Variants in DGKQ observed in about 807,000 individuals in gnomAD.
DGKQ encodes the protein diacylglycerol kinase theta.
In DGKQ, 97 loss-of-function variants were observed where a neutral mutation model predicts 104.2. That is an observed-to-expected ratio of 0.93 (90% CI 0.79 to 1.10). The LOEUF is 1.10. DGKQ is among the 50% of genes least tolerant of loss of function. DGKQ has a pLI of 0.00. For missense variants in DGKQ, 1,465 were observed against 1,352.1 expected (o/e 1.08, Z -1.31); for synonymous variants, 736 against 595.2 (o/e 1.24, Z -3.44).
Position 961,162 on chromosome 4 carries a change from C to T in DGKQ, c.2614G>A (p.Ala872Thr). Residue 872 changes from alanine to threonine, a missense_variant, in exon 22 of 23, where the codon GCC (alanine) becomes ACC (threonine). Physicochemically the swap from Ala to Thr is moderately conservative, Grantham distance 58. Transcript: ENST00000273814. ...QGGLRSGIRI[A>T]QGSYFRVTLL... The stretch of plus-strand genomic sequence containing the variant: ...GTGACTCGGAAGTAGGAACCCTGGG[C>T]AATCCGGATTCCGGAGCGCAGCCCA... The T allele has an allele frequency of 6.3e-7, 1 of 1,597,642 alleles. No individual in the cohort carries two copies.
chr4:972,322 C>T (rs1712994469), intron 1 of DGKQ, among the ~76,000 whole-genome samples: 1 of 152,158 alleles, frequency 6.6e-6, no homozygotes, highest in Non-Finnish European at 1.5e-5. Flanking sequence ...AAGAAGCTGG[C>T]GGGCCAGGCC....
At chr4:961,416 G>A (rs1216008815) in intron 21 of DGKQ, 51 bp downstream of exon 21, 29 of 1,529,020 alleles carry the variant, frequency 1.9e-5, no homozygotes, top group East Asian at 2.4e-5. Context: ...GCTCAGCGGG[G>A]ACCGGGGACG....
In DGKQ at chr4:959,444, C is replaced by G. The variant is rs938548995; in HGVS notation, c.*1176G>C. 1 of 152,240 alleles carries G rather than the reference C, an allele frequency of 6.6e-6. No homozygotes were observed. Among genetic ancestry groups the G allele is most frequent in the Admixed American group, 6.5e-5 (1 of 15,284 alleles). 9.4% of individuals were successfully genotyped at this position (152,240 alleles called of 1,614,324 possible). On this transcript the variant is annotated 3_prime_UTR_variant, in exon 23 of 23. Transcript: ENST00000273814. ...GCTCCATTTTTGGTCAGACTCCTCCCGGGGCCAGTGCACCATCTGAATCCT... is the reference window on the plus strand; with the variant it reads ...GCTCCATTTTTGGTCAGACTCCTCCGGGGGCCAGTGCACCATCTGAATCCT...
At chr4:965,660 C>A in intron 13 of DGKQ, 131 bp from the exon 14 acceptor site, 1 of 1,058,962 alleles carries the variant, frequency 9.4e-7, no homozygotes. Flanking sequence ...AGTACCCCTG[C>A]CCCACTCCAG....
chr4:967,895 C>T lies in DGKQ; in HGVS notation c.796G>A (p.Glu266Lys). 1 of 1,451,890 alleles carries T rather than the reference C, an allele frequency of 6.9e-7. No homozygotes were observed. Among genetic ancestry groups the T allele is most frequent in the Non-Finnish European group, 9.0e-7 (1 of 1,110,156 alleles). The allele number at this position is 1,451,890 out of a possible 1,614,324, so 89.9% of individuals were successfully genotyped here. A position where few individuals can be genotyped will look rare whatever the true frequency, so the allele number is the denominator to read the frequency against. The change falls in exon 6 of 23, where the codon GAG becomes AAG. Residue 266 changes from glutamate to lysine, a missense_variant. Transcript: ENST00000273814. The stretch of plus-strand genomic sequence containing the variant: ...CGCACCTCACCCGGCTCCGCGGCCT[C>T]CACGATGCGGAAGCTCTGCGTCTTG... ...FSKTQSFRIV[E>K]AAEPGEGGDG...
chr4:964,900 C>G, intron 15 of DGKQ, among the ~76,000 whole-genome samples: 1 of 152,200 alleles, frequency 6.6e-6, no homozygotes, highest in Non-Finnish European at 1.5e-5. Context: ...GGCCTGACCC[C>G]ACGGTGCCCC....
Position 968,468 on chromosome 4 carries a change from G to A in DGKQ, c.537+11C>T, listed in dbSNP as rs1560519107. Reference sequence around the variant, plus strand: ...CCACCCCCCAGGGCTCCCTGGGGCCGGTACACTCACGTGATCCTGGTGCCC... The same window carrying A: ...CCACCCCCCAGGGCTCCCTGGGGCCAGTACACTCACGTGATCCTGGTGCCC... On this transcript the variant is annotated intron_variant, in intron 4 of 22. Transcript: ENST00000273814. The A allele has an allele frequency of 3.1e-6, 5 of 1,601,198 alleles. No individual in the cohort carries two copies. Among genetic ancestry groups the A allele is most frequent in the South Asian group, 1.1e-5 (1 of 89,296 alleles).
At chr4:965,368 C>G (rs550473253) in intron 14 of DGKQ, 77 bp from the exon 15 acceptor site, 23 of 1,563,072 alleles carry the variant, frequency 1.5e-5, no homozygotes, top group Non-Finnish European at 1.9e-5. Context: ...CAAACCAGGA[C>G]GTTTCCCCAG....
chr4:968,255 CCA>C, intron 5 of DGKQ, 25 bp downstream of exon 5: 1 of 1,266,122 alleles, frequency 7.9e-7, no homozygotes, highest in Non-Finnish European at 1.1e-6. Flanking sequence ...TGCCCCACCC[CCA>C]CCCCCTCGAC....
At position 961,118 on chromosome 4, in the gene DGKQ, C is replaced by T. The variant is rs745805465; in HGVS notation, c.2658G>A (p.Pro886=). Reference sequence around the variant, plus strand: ...CCCAGGGCTCCCCGTCCACCTGCACCGGGGTGGCCTTGAGGAGCGTGACTC... The same window carrying T: ...CCCAGGGCTCCCCGTCCACCTGCACTGGGGTGGCCTTGAGGAGCGTGACTC... The part of the protein sequence containing the change: ...YFRVTLLKAT[P]VQVDGEPWVQ... Residue 886 remains proline, a synonymous_variant, in exon 22 of 23, where the codon CCG becomes CCA. Coordinates refer to ENST00000273814, the MANE Select transcript of DGKQ (RefSeq NM_001347.4). The T allele has an allele frequency of 2.6e-5, 42 of 1,610,518 alleles. No individual in the cohort carries two copies. Among genetic ancestry groups the T allele is most frequent in the East Asian group, 6.7e-5 (3 of 44,796 alleles).
In DGKQ at chr4:962,809, G is replaced by C; in HGVS notation, c.1998C>G (p.Cys666Trp). 3 of 1,606,226 alleles carry C rather than the reference G, an allele frequency of 1.9e-6. No homozygotes were observed. The highest frequency in any genetic ancestry group is 2.5e-6 in the Non-Finnish European group (3 of 1,177,348). Residue 666 changes from cysteine to tryptophan, a missense_variant, in exon 17 of 23, where the codon TGC becomes TGG. By Grantham distance (215) the Cys-to-Trp change is radical. Transcript: ENST00000273814. ...ALEETRYRLA[C>W]PEPSVAILPL... Reference sequence around the variant, plus strand: ...GCAGGATGGCCACAGAAGGCTCCGGGCAGGCCAGTCGGTACCGTGTCTCCT... The same window carrying C: ...GCAGGATGGCCACAGAAGGCTCCGGCCAGGCCAGTCGGTACCGTGTCTCCT...
In DGKQ at chr4:966,539, A is replaced by T. The variant is rs779075032; in HGVS notation, c.1367-12T>A. On this transcript the variant is annotated splice_polypyrimidine_tract_variant and intron_variant, in intron 11 of 22. Coordinates refer to ENST00000273814, the MANE Select transcript of DGKQ (RefSeq NM_001347.4). ...CATCGTCCGCTGGACTGCAGAGGTGAGGGCACAGGCCGTCAGCACCCGGCT... is the reference window on the plus strand; with the variant it reads ...CATCGTCCGCTGGACTGCAGAGGTGTGGGCACAGGCCGTCAGCACCCGGCT... 2 of 1,610,576 alleles carry T rather than the reference A, an allele frequency of 1.2e-6. No homozygotes were observed. Among genetic ancestry groups the T allele is most frequent in the Non-Finnish European group, 1.7e-6 (2 of 1,178,438 alleles).
chr4:968,481 G>GATCCTGGTGCCC lies in DGKQ; in HGVS notation c.523_534dup (p.Gly175_Asp178dup). 1 of 1,604,568 alleles carries GATCCTGGTGCCC rather than the reference G, an allele frequency of 6.2e-7. No individual in the cohort carries two copies. Among genetic ancestry groups the GATCCTGGTGCCC allele is most frequent in the Non-Finnish European group, 8.5e-7 (1 of 1,175,926 alleles). On this transcript the variant is annotated inframe_insertion, in exon 4 of 23. Transcript: ENST00000273814. ...CTCCCTGGGGCCGGTACACTCACGT[G>GATCCTGGTGCCC]ATCCTGGTGCCCATCCTGGTGGCAC...
chr4:965,229 CCTT>C lies in DGKQ; in HGVS notation c.1678_1680del (p.Lys560del). ...AGCAGCCGGCCCCGCACAGCCATGT[CCTT>C]CAGCAGCATGTACAGCCGCTCGGCC... On this transcript the variant is annotated inframe_deletion, in exon 15 of 23. Transcript: ENST00000273814. 6.2e-7 allele frequency: 1 copy of C among 1,612,746 alleles called. No individual in the cohort carries two copies. The highest frequency in any genetic ancestry group is 8.5e-7 in the Non-Finnish European group (1 of 1,179,932).
Position 961,081 on chromosome 4 carries a change from C to T in DGKQ, c.2695G>A (p.Gly899Arg). The T allele has an allele frequency of 6.2e-7, 1 of 1,612,312 alleles. No individual in the cohort carries two copies. Among genetic ancestry groups the T allele is most frequent in the Non-Finnish European group, 8.5e-7 (1 of 1,179,638 alleles). ...VDGEPWVQAP[G>R]HMIISAAGPK... ...CCAGCAGCTGAGATGATCATGTGCC[C>T]CGGGGCCTGGACCCAGGGCTCCCCG... Residue 899 changes from glycine (G) to arginine (R), a missense_variant, in exon 22 of 23, where the codon GGG becomes AGG. By Grantham distance (125) the Gly-to-Arg change is moderately radical. Coordinates refer to ENST00000273814, the MANE Select transcript of DGKQ (RefSeq NM_001347.4).
chr4:967,315 A>T lies in DGKQ; in HGVS notation c.1034T>A (p.Leu345Gln), dbSNP rs901452391. ...AHHIPEDPGH[L>Q]ELCRLPPSSQ... ...GGAAGGGGGCAGCCGGCACAGCTCC[A>T]GGTGGCCAGGGTCCTCGGGGATGTG... Residue 345 changes from leucine to glutamine, a missense_variant, in exon 9 of 23, where the codon CTG becomes CAG. Coordinates refer to ENST00000273814, the MANE Select transcript of DGKQ (RefSeq NM_001347.4). 155 of 1,537,780 alleles carry T rather than the reference A, an allele frequency of 1.0e-4. No individual in the cohort carries two copies. The highest frequency in any genetic ancestry group is 1.3e-4 in the Non-Finnish European group (147 of 1,147,404).
At chr4:970,461 T>TA (rs1712838886) in intron 2 of DGKQ, among the ~76,000 whole-genome samples, 1 of 152,182 alleles carries the variant, frequency 6.6e-6, no homozygotes, top group Non-Finnish European at 1.5e-5. Flanking sequence ...CCAGAGCCCT[T>TA]AGAGGGAGGG....
chr4:968,982 A>C, intron 2 of DGKQ, 72 bp from the exon 3 acceptor site: 1 of 973,308 alleles, frequency 1.0e-6, no homozygotes, highest in Non-Finnish European at 1.5e-6. Context: ...CTCGCTCTTC[A>C]CCTGCGCAAC....
intron 15 of DGKQ, 25 bp from the exon 16 acceptor site, chr4:963,315 G>A (rs1431195506): frequency 1.9e-6 from 3 of 1,583,460 alleles, no homozygotes; most frequent in Non-Finnish European, 2.6e-6. Context: ...GCTGGGTTAG[G>A]ATGGGGACCC....
Sources: allele counts gnomAD v4.1 joint callset (sites outside exome capture counted in the v4.1 genomes callset), GRCh38; gene constraint gnomAD v4.1.1; transcripts MANE v1.5; gene names NCBI Gene and HGNC (gene_info 2026-07-23, HGNC 2026-07-21).